The following SPAG9 variants were observed in gnomAD, a reference collection of about 807,000 sequenced individuals.
The protein encoded by SPAG9 is C-Jun-amino-terminal kinase-interacting protein 4.
In SPAG9, 35 loss-of-function variants were observed where a neutral mutation model predicts 166.5. The ratio of observed to expected loss-of-function variants is 0.21; its 90% CI spans 0.16 to 0.28. The LOEUF (loss-of-function observed/expected upper bound fraction) is 0.28, where lower values mean the gene tolerates loss of function less well. SPAG9 is among the 10% of genes least tolerant of loss of function. The pLI, the probability that SPAG9 is intolerant of heterozygous loss-of-function variation, is 1.00. For synonymous variants in SPAG9, 534 were observed against 565.5 expected, an observed-to-expected ratio of 0.94 and a Z score of 0.79; for missense variants, 1,235 against 1,603.3, an observed-to-expected ratio of 0.77 and a Z score of 3.92.
At chr17:51,008,266 C>T (rs1429060411) in intron 9 of SPAG9, among the ~76,000 whole-genome samples, 2 of 152,010 alleles carry the variant, frequency 1.3e-5, no homozygotes, top group African/African-American at 4.8e-5. Context: ...ATGCAAGATC[C>T]AATGGAGTGG....
chr17:51,075,219 AAAGAAG>A (rs1283108358), intron 2 of SPAG9, among the ~76,000 whole-genome samples: 1 of 147,828 alleles, frequency 6.8e-6, no homozygotes, highest in Non-Finnish European at 1.5e-5. Flanking sequence ...AAAAAAAAAA[AAAGAAG>A]AAGAAGAAGA....
rs1189415518 is a variant in SPAG9 at position 51,037,688 on chromosome 17, G to T, written c.741+3813C>A. On this transcript the variant is annotated intron_variant, in intron 5 of 29. Transcript: ENST00000262013. ...TTTTATATATATATATATATATAGT[G>T]TGTGTGTGTGTGTGTGTGTGTGTGT... Among the ~76,000 whole-genome samples the T allele has an allele frequency of 2.5e-3, 198 of 80,222 alleles. 1 individual carries two copies. The highest frequency in any genetic ancestry group is 8.8e-3 in the African/African-American group (192 of 21,842). 52.6% of individuals were successfully genotyped at this position (80,222 alleles called of 152,430 possible).
At chr17:50,998,904 C>T (rs981171990) in intron 14 of SPAG9, among the ~76,000 whole-genome samples, 1 of 152,150 alleles carries the variant, frequency 6.6e-6, no homozygotes, top group Non-Finnish European at 1.5e-5. Flanking sequence ...GGAAACTTCT[C>T]CTACTGAATA....
chr17:51,021,409 TTACTC>T, intron 6 of SPAG9, 44 bp from the exon 7 acceptor site: 1 of 1,463,560 alleles, frequency 6.8e-7, no homozygotes, highest in Non-Finnish European at 9.3e-7. Flanking sequence ...AATGACGAAT[TTACTC>T]TAAACCACAT....
intron 1 of SPAG9, among the ~76,000 whole-genome samples, chr17:51,089,651 T>C (rs1163192376): frequency 9.9e-6 from 1 of 100,770 alleles, no homozygotes; most frequent in African/African-American, 3.9e-5. Context: ...TATATATATA[T>C]ATATATATAT....
chr17:51,026,639 T>C (rs1289832806), intron 6 of SPAG9, among the ~76,000 whole-genome samples: 1 of 151,524 alleles, frequency 6.6e-6, no homozygotes, highest in East Asian at 1.9e-4. Context: ...GGAAAAGCTC[T>C]GATTTTAGGG....
chr17:51,102,277 G>A (rs1460056060), intron 1 of SPAG9, among the ~76,000 whole-genome samples: 4 of 151,614 alleles, frequency 2.6e-5, no homozygotes, highest in African/African-American at 9.7e-5. Flanking sequence ...GGTGGCACAC[G>A]CCTGTAGTCC....
chr17:51,095,929 A>G (rs1444861676), intron 1 of SPAG9, among the ~76,000 whole-genome samples: 1 of 129,536 alleles, frequency 7.7e-6, no homozygotes, highest in Non-Finnish European at 1.5e-5. Flanking sequence ...ATATAGTGAT[A>G]TATATAGTGA....
At chr17:51,038,903 T>G (rs776100496) in intron 5 of SPAG9, among the ~76,000 whole-genome samples, 1 of 152,228 alleles carries the variant, frequency 6.6e-6, no homozygotes, top group Non-Finnish European at 1.5e-5. Flanking sequence ...TATTTCTTTT[T>G]AAGAACTTGT....
chr17:51,031,273 T>C (rs2046374902), intron 6 of SPAG9: 1 of 206,498 alleles, frequency 4.8e-6, no homozygotes, highest in Non-Finnish European at 9.9e-6. Flanking sequence ...TGACTGGAGA[T>C]GAAGAACTCT....
intron 18 of SPAG9, among the ~76,000 whole-genome samples, chr17:50,994,624 G>T (rs1975910521): frequency 6.6e-6 from 1 of 152,076 alleles, no homozygotes; most frequent in Non-Finnish European, 1.5e-5. Context: ...TGGTGTGGGT[G>T]TGTAGTCCCA....
At chr17:51,030,876 C>G (rs1328038599) in intron 6 of SPAG9, 1 of 151,872 alleles carries the variant, frequency 6.6e-6, no homozygotes, top group African/African-American at 2.4e-5. Context: ...TCCTGTTATC[C>G]CCAGTGCCCA....
rs373004587 is a variant in SPAG9, at chr17:50,964,587, CAAA to C, written c.*1682_*1684del. On this transcript the variant is annotated 3_prime_UTR_variant, in exon 30 of 30. Coordinates refer to ENST00000262013, the MANE Select transcript of SPAG9 (RefSeq NM_001130528.3). ...TGGGCAACAGAGCCAGACTCCGTCT[CAAA>C]AAAAAAAAAAAAAATCATATTTAGC... is the stretch of plus-strand genomic sequence containing the variant. The C allele has an allele frequency of 1.4e-3, 247 of 177,250 alleles. No homozygotes were observed. The highest frequency in any genetic ancestry group is 3.5e-3 in the South Asian group (75 of 21,732). The allele number at this position is 177,250 out of a possible 1,614,324, so 11.0% of individuals were successfully genotyped here.
At chr17:51,081,916 A>G (rs1382007742) in intron 1 of SPAG9, among the ~76,000 whole-genome samples, 1 of 152,060 alleles carries the variant, frequency 6.6e-6, no homozygotes. Flanking sequence ...CTCTGATTCA[A>G]GCATCCATGC....
In SPAG9 at chr17:50,987,138, A is replaced by G. The variant is rs1422727282; in HGVS notation, c.2913T>C (p.Thr971=). ...EAQKMSSLLP[T]MWLGAQNGCL... ...AGCCATTTTGAGCTCCAAGCCACAT[A>G]GTTGGTAAAAGACTACTCATTTTCT... is the stretch of plus-strand genomic sequence containing the variant. The change falls in exon 22 of 30, where the codon ACT becomes ACC. Residue 971 remains threonine (T), a synonymous_variant. Coordinates refer to ENST00000262013, the MANE Select transcript of SPAG9 (RefSeq NM_001130528.3). The G allele has an allele frequency of 6.2e-7, 1 of 1,612,708 alleles. No individual in the cohort carries two copies.
At chr17:51,116,905 A>G (rs563448414) in intron 1 of SPAG9, among the ~76,000 whole-genome samples, 1 of 152,344 alleles carries the variant, frequency 6.6e-6, no homozygotes, top group African/African-American at 2.4e-5. Flanking sequence ...CTAGCTATGT[A>G]AAATTCTAAG....
intron 19 of SPAG9, among the ~76,000 whole-genome samples, chr17:50,992,283 T>G (rs1270244624): frequency 6.6e-6 from 1 of 152,200 alleles, no homozygotes; most frequent in African/African-American, 2.4e-5. Context: ...TCATATAATA[T>G]TTGTCCTTTT....
intron 2 of SPAG9, among the ~76,000 whole-genome samples, chr17:51,060,234 G>T (rs980993218): frequency 4.6e-5 from 7 of 152,100 alleles, no homozygotes; most frequent in African/African-American, 1.7e-4. Flanking sequence ...GCCGGGCGAG[G>T]TGGCTCACAC....
chr17:50,962,290 C>T lies in SPAG9; in HGVS notation c.*3982G>A, dbSNP rs574673772. On this transcript the variant is annotated 3_prime_UTR_variant, in exon 30 of 30. Transcript: ENST00000262013. ...ACTACATTGCTAAATGAGCTCTTTG[C>T]TCATAGAAATGAAGCTCAGCCTCTA... 1 of 152,292 alleles carries T rather than the reference C, an allele frequency of 6.6e-6. No individual in the cohort carries two copies. The highest frequency in any genetic ancestry group is 1.9e-4 in the East Asian group (1 of 5,190). 9.4% of individuals were successfully genotyped at this position (152,292 alleles called of 1,614,324 possible). A position where few individuals can be genotyped will look rare whatever the true frequency, so the allele number is the denominator to read the frequency against.
Sources: gnomAD v4.1 joint callset for allele counts (sites outside exome capture counted in the v4.1 genomes callset) on GRCh38, gnomAD v4.1.1 for gene constraint, MANE v1.5 for transcripts, NCBI Gene and HGNC (gene_info 2026-07-23, HGNC 2026-07-21) for gene names.